The following FSTL5 variants were observed in gnomAD, a reference collection of about 807,000 sequenced individuals.
FSTL5 encodes follistatin-related protein 5.
FSTL5 carries 62 observed loss-of-function variants against 89.1 expected under a neutral mutation model. That is an observed-to-expected ratio of 0.70 (90% CI 0.57 to 0.86). The LOEUF (loss-of-function observed/expected upper bound fraction) is 0.86, where lower values mean the gene tolerates loss of function less well. FSTL5 is among the 40% of genes least tolerant of loss of function. The pLI is 0.00. For synonymous variants in FSTL5, 383 were observed against 346.2 expected (o/e 1.11, Z -1.18); for missense variants, 1,057 against 1,001.6 (o/e 1.06, Z -0.75).
intron 3 of FSTL5, among the ~76,000 whole-genome samples, chr4:162,021,925 C>A (rs1737102139): frequency 1.3e-5 from 2 of 151,644 alleles, no homozygotes; most frequent in African/African-American, 4.8e-5. Flanking sequence ...ACCCGTTTCT[C>A]CTAAAAAATA....
chr4:161,495,244 G>A (rs1420169102), intron 12 of FSTL5: 3 of 152,100 alleles, frequency 2.0e-5, no homozygotes, highest in Non-Finnish European at 1.5e-5. Flanking sequence ...AGCAAAGAAG[G>A]TGGCTGAATG....
At chr4:161,703,448 C>A (rs528323628) in intron 6 of FSTL5, among the ~76,000 whole-genome samples, 1 of 152,254 alleles carries the variant, frequency 6.6e-6, no homozygotes, top group South Asian at 2.1e-4. Context: ...AAGTGATGAG[C>A]TTTCTCATCC....
intron 6 of FSTL5, among the ~76,000 whole-genome samples, chr4:161,677,935 A>C (rs1737363019): frequency 6.6e-6 from 1 of 151,846 alleles, no homozygotes; most frequent in African/African-American, 2.4e-5. Context: ...TAGTCTAAAT[A>C]TTATGCCACA....
intron 4 of FSTL5, among the ~76,000 whole-genome samples, chr4:161,881,260 A>G (rs1028304507): frequency 1.3e-5 from 2 of 150,810 alleles, no homozygotes; most frequent in African/African-American, 2.4e-5. Context: ...TTGTATTTCA[A>G]TTCAACATTT....
intron 6 of FSTL5, among the ~76,000 whole-genome samples, chr4:161,692,310 G>T: frequency 6.7e-6 from 1 of 149,580 alleles, no homozygotes; most frequent in East Asian, 2.0e-4. Flanking sequence ...TTTATCAAAT[G>T]CTTTTTCCAC....
rs72987277 is a variant in FSTL5 at position 161,403,960 on chromosome 4, A to G, written c.1842-17511T>C. On this transcript the variant is annotated intron_variant, in intron 15 of 15. Transcript: ENST00000306100. ...GTTAAGTGAACTCTGTGGCATTTCAATTTCGCCTAGCCTTGCTTCATCCCT... is the reference window on the plus strand; with the variant it reads ...GTTAAGTGAACTCTGTGGCATTTCAGTTTCGCCTAGCCTTGCTTCATCCCT... 2.4e-3 allele frequency among the ~76,000 whole-genome samples: 371 copies of G among 152,288 alleles called. 1 individual carries two copies. The highest frequency in any genetic ancestry group is 8.5e-3 in the African/African-American group (355 of 41,568).
intron 8 of FSTL5, among the ~76,000 whole-genome samples, chr4:161,568,672 C>T (rs955586933): frequency 6.6e-6 from 1 of 152,000 alleles, no homozygotes; most frequent in Non-Finnish European, 1.5e-5. Context: ...TCAAGTTTGG[C>T]CTGGTTTAAA....
intron 7 of FSTL5, among the ~76,000 whole-genome samples, chr4:161,597,594 G>A (rs1210893493): frequency 4.6e-5 from 7 of 151,816 alleles, no homozygotes; most frequent in Admixed American, 2.0e-4. Context: ...AAACCTGCAC[G>A]TTGTGCACAT....
At position 161,540,143 on chromosome 4, in the gene FSTL5, T is replaced by G. The variant is rs1731770489; in HGVS notation, c.1178-1843A>C. Among the ~76,000 whole-genome samples, 3 of 152,154 alleles carry G rather than the reference T, an allele frequency of 2.0e-5. No individual in the cohort carries two copies. In the South Asian group the frequency reaches 6.2e-4, roughly 31 times the overall value. On this transcript the variant is annotated intron_variant, in intron 9 of 15. Coordinates refer to ENST00000306100, the MANE Select transcript of FSTL5 (RefSeq NM_020116.5). ...TTTATCTATTTATCATCCTGACACA[T>G]CTGCCTTCCTAACCTCTAGAACTAG...
At chr4:161,405,581 C>T (rs2110919761) in intron 15 of FSTL5, among the ~76,000 whole-genome samples, 1 of 152,132 alleles carries the variant, frequency 6.6e-6, no homozygotes, top group African/African-American at 2.4e-5. Flanking sequence ...ACCAAAATAC[C>T]AGTTACGCAA....
At chr4:161,498,248 A>G (rs1432946764) in intron 12 of FSTL5, among the ~76,000 whole-genome samples, 1 of 152,116 alleles carries the variant, frequency 6.6e-6, no homozygotes. Flanking sequence ...TTAAAGAGAG[A>G]GAAATGCAGG....
At chr4:161,453,617 A>G (rs572326539) in intron 15 of FSTL5, among the ~76,000 whole-genome samples, 2 of 152,154 alleles carry the variant, frequency 1.3e-5, no homozygotes, top group South Asian at 4.1e-4. Context: ...TTATTTTTTG[A>G]CAGGGTCTGG....
intron 4 of FSTL5, among the ~76,000 whole-genome samples, chr4:161,832,779 T>C (rs1034086482): frequency 6.6e-6 from 1 of 151,660 alleles, no homozygotes; most frequent in African/African-American, 2.4e-5. Flanking sequence ...CTTTTCTTCT[T>C]TATTAGTCTT....
chr4:162,027,332 T>A (rs1343108313), intron 3 of FSTL5, among the ~76,000 whole-genome samples: 1 of 152,132 alleles, frequency 6.6e-6, no homozygotes, highest in Non-Finnish European at 1.5e-5. Flanking sequence ...TTAATTTACT[T>A]AATTTTCTTT....
At chr4:161,513,521 A>G (rs1220498812) in intron 10 of FSTL5, among the ~76,000 whole-genome samples, 1 of 152,228 alleles carries the variant, frequency 6.6e-6, no homozygotes, top group Non-Finnish European at 1.5e-5. Flanking sequence ...TCATTCCATT[A>G]TAAAGACACA....
At chr4:162,120,317 A>G (rs1044170742) in intron 1 of FSTL5, among the ~76,000 whole-genome samples, 1 of 152,116 alleles carries the variant, frequency 6.6e-6, no homozygotes, top group African/African-American at 2.4e-5. Context: ...TACTTACGAA[A>G]GCCCCACATT....
chr4:161,571,359 G>T (rs562720442), intron 8 of FSTL5, among the ~76,000 whole-genome samples: 6 of 152,018 alleles, frequency 3.9e-5, no homozygotes, highest in African/African-American at 1.4e-4. Context: ...AAATATAGAG[G>T]AGAATACATG....
intron 15 of FSTL5, among the ~76,000 whole-genome samples, chr4:161,415,427 T>C (rs1731738515): frequency 6.6e-6 from 1 of 152,012 alleles, no homozygotes; most frequent in Non-Finnish European, 1.5e-5. Context: ...GGATAATTTT[T>C]GTAGATTTGT....
chr4:161,936,841 A>G (rs2110911332), intron 3 of FSTL5, among the ~76,000 whole-genome samples: 1 of 152,280 alleles, frequency 6.6e-6, no homozygotes, highest in South Asian at 2.1e-4. Context: ...GGAATGTTGA[A>G]AGCCATAATC....
Sources: allele counts gnomAD v4.1 joint callset (sites outside exome capture counted in the v4.1 genomes callset), GRCh38; gene constraint gnomAD v4.1.1; transcripts MANE v1.5; gene names NCBI Gene and HGNC (gene_info 2026-07-23, HGNC 2026-07-21).